DPP10: variants seen among roughly 807,000 people sequenced by gnomAD.
DPP10 encodes the protein dipeptidyl peptidase like 10.
Under a neutral mutation model 120.9 loss-of-function variants are expected in DPP10, and 33 were observed. That is an observed-to-expected ratio of 0.27 (90% CI 0.21 to 0.37). The LOEUF (loss-of-function observed/expected upper bound fraction) is 0.37. Ranked by LOEUF, DPP10 falls within the 10% of genes least tolerant of loss-of-function variation. The probability of loss-of-function intolerance (pLI) is 1.00; values close to 1 mark genes in which losing one functional copy is unlikely to be tolerated. For synonymous variants in DPP10, 337 were observed against 326.1 expected (o/e 1.03, Z -0.36); for missense variants, 816 against 942.8 (o/e 0.87, Z 1.76).
At chr2:115,350,830 G>T (rs2063979033) in intron 3 of DPP10, among the ~76,000 whole-genome samples, 1 of 151,834 alleles carries the variant, frequency 6.6e-6, no homozygotes, top group Non-Finnish European at 1.5e-5. Context: ...AACCTAAATA[G>T]TACCCTAGCC....
chr2:114,629,174 C>T (rs1375307398), intron 1 of DPP10, among the ~76,000 whole-genome samples: 1 of 147,776 alleles, frequency 6.8e-6, no homozygotes, highest in South Asian at 2.1e-4. Flanking sequence ...AAGATAAAAG[C>T]TTTAGAGTAG....
intron 11 of DPP10, among the ~76,000 whole-genome samples, chr2:115,761,959 T>C (rs1440628390): frequency 6.6e-6 from 1 of 152,190 alleles, no homozygotes; most frequent in Non-Finnish European, 1.5e-5. Context: ...AGCTTGTTTT[T>C]TCTACACATA....
intron 5 of DPP10, among the ~76,000 whole-genome samples, chr2:115,584,787 G>A (rs1013904210): frequency 6.6e-6 from 1 of 152,166 alleles, no homozygotes; most frequent in Non-Finnish European, 1.5e-5. Flanking sequence ...CATGAGAATG[G>A]TTCTTACTAA....
intron 3 of DPP10, among the ~76,000 whole-genome samples, chr2:115,432,442 G>A (rs2071079341): frequency 6.6e-6 from 1 of 151,820 alleles, no homozygotes; most frequent in South Asian, 2.1e-4. Flanking sequence ...CTATATGAGG[G>A]ACTTTAGGAA....
At chr2:114,673,420 TTTTTCTTTTTTC>T (rs1391165766) in intron 1 of DPP10, among the ~76,000 whole-genome samples, 1 of 152,090 alleles carries the variant, frequency 6.6e-6, no homozygotes, top group Non-Finnish European at 1.5e-5. Context: ...TTTTATTACC[TTTTTCTTTTTTC>T]TTTTCTTTTT....
At chr2:114,865,491 C>T (rs1690150379) in intron 1 of DPP10, among the ~76,000 whole-genome samples, 1 of 152,206 alleles carries the variant, frequency 6.6e-6, no homozygotes, top group South Asian at 2.1e-4. Context: ...ACTTAAAATG[C>T]AGCACTCCAT....
intron 1 of DPP10, among the ~76,000 whole-genome samples, chr2:115,194,751 T>C (rs1407456725): frequency 6.6e-6 from 1 of 151,370 alleles, no homozygotes; most frequent in Admixed American, 6.6e-5. Flanking sequence ...CTGTGAACAT[T>C]TGTGGAATCT....
At chr2:114,515,563 AC>A in intron 1 of DPP10, among the ~76,000 whole-genome samples, 1 of 152,340 alleles carries the variant, frequency 6.6e-6, no homozygotes, top group East Asian at 1.9e-4. Context: ...ATAGTACAAC[AC>A]CCAACCTAAA....
At chr2:114,920,541 G>A (rs1223052297) in intron 1 of DPP10, among the ~76,000 whole-genome samples, 1 of 152,206 alleles carries the variant, frequency 6.6e-6, no homozygotes, top group Non-Finnish European at 1.5e-5. Context: ...CAAGTAGGAA[G>A]CATACTATCT....
intron 1 of DPP10, among the ~76,000 whole-genome samples, chr2:114,970,844 T>C (rs1202847613): frequency 1.3e-5 from 2 of 152,160 alleles, no homozygotes; most frequent in Admixed American, 6.5e-5. Context: ...AAGTAATGGA[T>C]GACTGAGTTA....
chr2:115,109,952 T>G (rs1307614111), intron 1 of DPP10, among the ~76,000 whole-genome samples: 2 of 152,226 alleles, frequency 1.3e-5, no homozygotes, highest in Non-Finnish European at 2.9e-5. Flanking sequence ...TTCTCTGCCA[T>G]CTTCAAGCTA....
intron 2 of DPP10, among the ~76,000 whole-genome samples, chr2:115,319,554 T>G (rs529845219): frequency 1.3e-5 from 2 of 152,356 alleles, no homozygotes; most frequent in Admixed American, 1.3e-4. Flanking sequence ...TTAATGATTT[T>G]GTAACTTACT....
At chr2:114,922,833 T>C (rs185689684) in intron 1 of DPP10, among the ~76,000 whole-genome samples, 3 of 152,374 alleles carry the variant, frequency 2.0e-5, no homozygotes, top group Admixed American at 2.0e-4. Context: ...TTGGCTACTA[T>C]GGCTAATGTT....
At chr2:115,446,810 C>G (rs1363963369) in intron 3 of DPP10, among the ~76,000 whole-genome samples, 1 of 152,164 alleles carries the variant, frequency 6.6e-6, no homozygotes, top group African/African-American at 2.4e-5. Context: ...TACCAACACA[C>G]CTTCCCCCTT....
chr2:114,906,680 C>A (rs190784364), intron 1 of DPP10, among the ~76,000 whole-genome samples: 24 of 152,198 alleles, frequency 1.6e-4, no homozygotes, highest in Admixed American at 1.0e-3. Flanking sequence ...AGCTGTTGAA[C>A]CAACCTTGCA....
At chr2:115,672,680 C>CTTTCTTTCTTTCTCTCTTTCTT (rs147861157) in intron 5 of DPP10, among the ~76,000 whole-genome samples, 1 of 113,264 alleles carries the variant, frequency 8.8e-6, no homozygotes, top group African/African-American at 3.6e-5. Flanking sequence ...CTCTTTCTTT[C>CTTTCTTTCTTTCTCTCTTTCTT]TCTTTCTTTC....
At chr2:115,241,524 A>C (rs1477883290) in intron 1 of DPP10, among the ~76,000 whole-genome samples, 1 of 152,174 alleles carries the variant, frequency 6.6e-6, no homozygotes, top group Non-Finnish European at 1.5e-5. Flanking sequence ...ATATTTGTAG[A>C]TTTTGTGATT....
At chr2:115,516,486 C>A (rs564422988) in intron 4 of DPP10, among the ~76,000 whole-genome samples, 5 of 151,720 alleles carry the variant, frequency 3.3e-5, no homozygotes, top group African/African-American at 1.2e-4. Flanking sequence ...TATTAGGAGT[C>A]CCGAACAGGA....
intron 1 of DPP10, among the ~76,000 whole-genome samples, chr2:115,068,977 A>G (rs1707147798): frequency 6.6e-6 from 1 of 152,054 alleles, no homozygotes; most frequent in Non-Finnish European, 1.5e-5. Context: ...TTTGTAGTAT[A>G]TTTCAACATC....
Sources: allele counts gnomAD v4.1 joint callset (sites outside exome capture counted in the v4.1 genomes callset), GRCh38; gene constraint gnomAD v4.1.1; transcripts MANE v1.5; gene names NCBI Gene and HGNC (gene_info 2026-07-23, HGNC 2026-07-21).